Variants in MGLL observed in about 807,000 individuals in gnomAD.
MGLL encodes lysophospholipase homolog.
In MGLL, 7 loss-of-function variants were observed where a neutral mutation model predicts 29.1. That is an observed-to-expected ratio of 0.24 (90% CI 0.14 to 0.45). The LOEUF (loss-of-function observed/expected upper bound fraction) is 0.45. Among genes scored for constraint, MGLL ranks in the 20% least tolerant of loss-of-function variants. The pLI, the probability that MGLL is intolerant of heterozygous loss-of-function variation, is 0.99. For missense variants in MGLL, 356 were observed against 413.6 expected, an observed-to-expected ratio of 0.86 and a Z score of 1.21; for synonymous variants, 148 against 168.3, an observed-to-expected ratio of 0.88 and a Z score of 0.93.
chr3:127,763,584 G>C (rs763980184), intron 3 of MGLL, among the ~76,000 whole-genome samples: 12 of 152,216 alleles, frequency 7.9e-5, no homozygotes, highest in Admixed American at 3.3e-4. Flanking sequence ...ACCTGGGTGG[G>C]GACATCTCCC....
At chr3:127,697,205 C>T (rs1023421120) in intron 6 of MGLL, among the ~76,000 whole-genome samples, 1 of 152,244 alleles carries the variant, frequency 6.6e-6, no homozygotes, top group Non-Finnish European at 1.5e-5. Flanking sequence ...GGTGCTTCCC[C>T]AGGGTCAGCC....
At chr3:127,736,138 T>C (rs1250184689) in intron 3 of MGLL, 9 of 1,111,160 alleles carry the variant, frequency 8.1e-6, no homozygotes, top group African/African-American at 4.8e-5. Flanking sequence ...TCAAACCTAA[T>C]AAAAGTACAG....
chr3:127,791,679 C>G (rs917190803), intron 2 of MGLL, among the ~76,000 whole-genome samples: 1 of 152,190 alleles, frequency 6.6e-6, no homozygotes, highest in South Asian at 2.1e-4. Context: ...TCTTGAGGCC[C>G]GGAGTTCCTT....
chr3:127,749,767 G>A (rs1475438057), intron 3 of MGLL, among the ~76,000 whole-genome samples: 1 of 152,200 alleles, frequency 6.6e-6, no homozygotes, highest in Non-Finnish European at 1.5e-5. Flanking sequence ...TCTGGAGGGA[G>A]CGGGTATGTG....
chr3:127,779,436 T>A (rs2077087438), intron 3 of MGLL, among the ~76,000 whole-genome samples: 1 of 151,930 alleles, frequency 6.6e-6, no homozygotes, highest in Non-Finnish European at 1.5e-5. Context: ...TATATCTCTG[T>A]AGGCATTTGT....
chr3:127,821,046 CAAAT>C (rs1559992014), intron 2 of MGLL, among the ~76,000 whole-genome samples: 1 of 152,190 alleles, frequency 6.6e-6, no homozygotes, highest in African/African-American at 2.4e-5. Flanking sequence ...TTGGTTACCA[CAAAT>C]AAATTCTTTT....
chr3:127,799,642 C>T (rs2077442935), intron 2 of MGLL, among the ~76,000 whole-genome samples: 1 of 152,194 alleles, frequency 6.6e-6, no homozygotes, highest in Non-Finnish European at 1.5e-5. Context: ...TTCCTCTTTC[C>T]TGATTCCTGG....
chr3:127,720,784 G>A (rs1260313042), intron 5 of MGLL, among the ~76,000 whole-genome samples: 8 of 152,206 alleles, frequency 5.3e-5, no homozygotes, highest in Admixed American at 5.2e-4. Flanking sequence ...CAAATAACAA[G>A]TCTAACCTCG....
intron 3 of MGLL, among the ~76,000 whole-genome samples, chr3:127,773,695 G>C (rs1401365468): frequency 6.6e-6 from 1 of 152,232 alleles, no homozygotes; most frequent in African/African-American, 2.4e-5. Flanking sequence ...CTTGAGTTCA[G>C]TATGATGCAG....
At chr3:127,749,738 C>T (rs758360174) in intron 3 of MGLL, among the ~76,000 whole-genome samples, 6 of 152,226 alleles carry the variant, frequency 3.9e-5, no homozygotes, top group South Asian at 2.1e-4. Context: ...AAATCTAAAG[C>T]GAGTCTGACC....
At chr3:127,743,775 G>A (rs1373394106) in intron 3 of MGLL, among the ~76,000 whole-genome samples, 1 of 152,078 alleles carries the variant, frequency 6.6e-6, no homozygotes, top group Non-Finnish European at 1.5e-5. Context: ...TCTAAAAAAT[G>A]TACAGATGGC....
chr3:127,762,639 A>G (rs1015938414), intron 3 of MGLL, among the ~76,000 whole-genome samples: 4 of 152,098 alleles, frequency 2.6e-5, no homozygotes, highest in Non-Finnish European at 4.4e-5. Context: ...CCCTTGTACA[A>G]TGAGAAAGGG....
intron 3 of MGLL, among the ~76,000 whole-genome samples, chr3:127,776,249 G>A (rs1416819527): frequency 1.3e-5 from 2 of 152,202 alleles, no homozygotes; most frequent in African/African-American, 4.8e-5. Context: ...CTTTGTGCCT[G>A]TGTGGCCTCC....
At chr3:127,816,582 A>G (rs1202528420) in intron 2 of MGLL, among the ~76,000 whole-genome samples, 2 of 152,164 alleles carry the variant, frequency 1.3e-5, no homozygotes, top group Admixed American at 6.5e-5. Context: ...CGAGGACGCA[A>G]GAAGGGGGGA....
rs118019257 is a variant in MGLL at position 127,772,493 on chromosome 3, C to T, written c.262+9296G>A. On this transcript the variant is annotated intron_variant, in intron 3 of 7. Coordinates refer to ENST00000265052, the MANE Select transcript of MGLL (RefSeq NM_007283.7). ...CCAATGGCTGGTGGAAGGAAGGTCA[C>T]GTGAACCGTCCTGCACACTACCGCA... 6.0e-4 allele frequency among the ~76,000 whole-genome samples: 91 copies of T among 152,314 alleles called. No individual in the cohort carries two copies. In the East Asian group the frequency reaches 0.017, roughly 28 times the overall value.
At chr3:127,739,770 T>A (rs2107653222) in intron 3 of MGLL, among the ~76,000 whole-genome samples, 1 of 152,248 alleles carries the variant, frequency 6.6e-6, no homozygotes, top group South Asian at 2.1e-4. Context: ...CACGCAGGGG[T>A]GTGGACCAGT....
chr3:127,753,248 G>A (rs1366991660), intron 3 of MGLL, among the ~76,000 whole-genome samples: 1 of 152,208 alleles, frequency 6.6e-6, no homozygotes. Context: ...CAACCTGGAT[G>A]GTGAGTGTTC....
rs182072520 is a variant in MGLL, at chr3:127,775,213, C to T, written c.262+6576G>A. 4.0e-3 allele frequency among the ~76,000 whole-genome samples: 607 copies of T among 152,248 alleles called. 2 individuals are homozygous for T. Among genetic ancestry groups the T allele is most frequent in the Non-Finnish European group, 6.1e-3 (415 of 68,020 alleles). Reference sequence around the variant, plus strand: ...ACAAGTTGCAGCAAGTTCACTGTCACCCACCCTCGGAGTTGGGCCCCCAAG... The same window carrying T: ...ACAAGTTGCAGCAAGTTCACTGTCATCCACCCTCGGAGTTGGGCCCCCAAG... On this transcript the variant is annotated intron_variant, in intron 3 of 7. Transcript: ENST00000265052.
At chr3:127,697,464 C>A (rs1483249070) in intron 6 of MGLL, among the ~76,000 whole-genome samples, 1 of 152,184 alleles carries the variant, frequency 6.6e-6, no homozygotes, top group Non-Finnish European at 1.5e-5. Flanking sequence ...CTCCACTACA[C>A]AGAGGAGGAA....
Sources: allele counts gnomAD v4.1 joint callset (sites outside exome capture counted in the v4.1 genomes callset), GRCh38; gene constraint gnomAD v4.1.1; transcripts MANE v1.5; gene names NCBI Gene and HGNC (gene_info 2026-07-23, HGNC 2026-07-21).